Variants in VPS13B observed in about 807,000 individuals in gnomAD.
The protein encoded by VPS13B is intermembrane lipid transfer protein VPS13B.
In VPS13B, 285 loss-of-function variants were observed where a neutral mutation model predicts 426.4. The observed-to-expected ratio is 0.67, with a 90% CI of 0.61 to 0.74. The LOEUF (loss-of-function observed/expected upper bound fraction) is 0.74. VPS13B is among the 30% of genes least tolerant of loss of function. The pLI, the probability that VPS13B is intolerant of heterozygous loss-of-function variation, is 0.00. For missense variants in VPS13B, 4,537 were observed against 4,782.6 expected, an observed-to-expected ratio of 0.95 and a Z score of 1.51; for synonymous variants, 1,676 against 1,676.4, an observed-to-expected ratio of 1.00 and a Z score of 0.01.
chr8:99,822,102 C>A (rs898055440), intron 50 of VPS13B, among the ~76,000 whole-genome samples: 1 of 152,176 alleles, frequency 6.6e-6, no homozygotes, highest in African/African-American at 2.4e-5. Flanking sequence ...TAACTAATCA[C>A]ATTATGTATG....
At chr8:99,179,272 T>C (rs1812813964) in intron 16 of VPS13B, among the ~76,000 whole-genome samples, 2 of 152,148 alleles carry the variant, frequency 1.3e-5, no homozygotes, top group South Asian at 4.1e-4. Context: ...TGCAGCCAAG[T>C]TTGTTTGTTT....
chr8:99,836,697 G>A (rs1353531441), intron 54 of VPS13B, among the ~76,000 whole-genome samples: 6 of 152,166 alleles, frequency 3.9e-5, no homozygotes, highest in Non-Finnish European at 8.8e-5. Context: ...AGCTTGTGAG[G>A]TAGGCTACTG....
At chr8:99,872,755 T>G (rs1431701420) in intron 61 of VPS13B, among the ~76,000 whole-genome samples, 1 of 152,204 alleles carries the variant, frequency 6.6e-6, no homozygotes, top group Non-Finnish European at 1.5e-5. Context: ...ACAGCAAACC[T>G]ACCTCCAATA....
rs1281257953 is a variant in VPS13B, at chr8:99,868,414, T to G, written c.11341T>G (p.Phe3781Val). 6.2e-7 allele frequency: 1 copy of G among 1,614,106 alleles called. No homozygotes were observed. Among genetic ancestry groups the G allele is most frequent in the East Asian group, 2.2e-5 (1 of 44,880 alleles). Reference protein sequence around the residue: ...SGVGKGIMGVFTKPIGGAAEL... With the variant: ...SGVGKGIMGVVTKPIGGAAEL... ...TGTGGGGAAAGGAATCATGGGGGTGTTCACAAAGCCCATCGGAGGAGCTGC... is the reference window on the plus strand; with the variant it reads ...TGTGGGGAAAGGAATCATGGGGGTGGTCACAAAGCCCATCGGAGGAGCTGC... Residue 3781 changes from phenylalanine (F) to valine (V), a missense_variant, in exon 59 of 62, where the codon TTC (phenylalanine) becomes GTC (valine). Phe to Val is a conservative substitution (Grantham distance 50). Around this residue, in one of 2 missense-constraint regions of VPS13B, gnomAD observed 4,311 missense variants for 4,474.3 expected, o/e 0.96. Coordinates refer to ENST00000357162, the MANE Select transcript of VPS13B (RefSeq NM_152564.5).
chr8:99,621,129 G>A (rs1269561623), intron 33 of VPS13B, among the ~76,000 whole-genome samples: 1 of 152,020 alleles, frequency 6.6e-6, no homozygotes, highest in East Asian at 1.9e-4. Flanking sequence ...ATTTCCCACA[G>A]AATTTTGTTG....
intron 23 of VPS13B, among the ~76,000 whole-genome samples, chr8:99,457,749 A>G (rs557971433): frequency 6.6e-6 from 1 of 152,242 alleles, no homozygotes; most frequent in South Asian, 2.1e-4. Context: ...TTTAACCACT[A>G]CTGAAGCTGC....
At chr8:99,477,281 T>G (rs887065914) in intron 24 of VPS13B, among the ~76,000 whole-genome samples, 3 of 152,190 alleles carry the variant, frequency 2.0e-5, no homozygotes, top group Admixed American at 1.3e-4. Context: ...TCTTTTACTG[T>G]TTTTTCTTTT....
chr8:99,630,360 T>A (rs967208007), intron 33 of VPS13B, among the ~76,000 whole-genome samples: 4 of 152,260 alleles, frequency 2.6e-5, no homozygotes, highest in South Asian at 4.2e-4. Flanking sequence ...GTCTTTTTTG[T>A]GTGTTTCCCT....
At chr8:99,161,140 A>G (rs754083572) in intron 15 of VPS13B, among the ~76,000 whole-genome samples, 52 of 152,240 alleles carry the variant, frequency 3.4e-4, no homozygotes, top group Non-Finnish European at 6.8e-4. Context: ...TTTATACTCT[A>G]TAATTTTCAG....
At chr8:99,385,361 C>T (rs1814057910) in intron 20 of VPS13B, among the ~76,000 whole-genome samples, 1 of 152,050 alleles carries the variant, frequency 6.6e-6, no homozygotes, top group Non-Finnish European at 1.5e-5. Context: ...AGTTTTGTAT[C>T]GTTTTTCTGA....
chr8:99,729,463 G>A (rs1367366636), intron 39 of VPS13B, among the ~76,000 whole-genome samples: 1 of 152,144 alleles, frequency 6.6e-6, no homozygotes, highest in African/African-American at 2.4e-5. Context: ...GGTTAGGCAA[G>A]GTCCTTTGTC....
Position 99,610,404 on chromosome 8 carries a change from G to A in VPS13B, c.5221-31407G>A, listed in dbSNP as rs549567389. ...GCACATGTACACCATGGAATACTAC[G>A]CAGTCATAAAAAATGAGTTCATGTC... On this transcript the variant is annotated intron_variant, in intron 33 of 61. Transcript: ENST00000357162. 3.3e-5 allele frequency among the ~76,000 whole-genome samples: 5 copies of A among 152,262 alleles called. No individual in the cohort carries two copies. The South Asian group carries it at 6.2e-4, about 19-fold the overall frequency.
chr8:99,401,673 C>T (rs1424406151), intron 21 of VPS13B, among the ~76,000 whole-genome samples: 3 of 152,158 alleles, frequency 2.0e-5, no homozygotes, highest in Admixed American at 2.0e-4. Flanking sequence ...TGAGACCAGC[C>T]TGGCCAACAT....
At chr8:99,015,649 AC>A (rs1841574959) in intron 2 of VPS13B, among the ~76,000 whole-genome samples, 1 of 150,662 alleles carries the variant, frequency 6.6e-6, no homozygotes, top group African/African-American at 2.4e-5. Context: ...CACGCCTGTA[AC>A]CCCAGCACTT....
At chr8:99,122,792 T>C (rs1040894238) in intron 8 of VPS13B, among the ~76,000 whole-genome samples, 11 of 151,966 alleles carry the variant, frequency 7.2e-5, no homozygotes, top group African/African-American at 2.7e-4. Context: ...ATATATTGTG[T>C]TCATTGAATA....
chr8:99,237,960 A>G (rs1054988601), intron 17 of VPS13B, among the ~76,000 whole-genome samples: 5 of 151,060 alleles, frequency 3.3e-5, no homozygotes, highest in Non-Finnish European at 7.4e-5. Context: ...TGCTGCTCTC[A>G]TCCCTACTTC....
chr8:99,184,716 C>T (rs1813122018), intron 16 of VPS13B, among the ~76,000 whole-genome samples: 1 of 152,166 alleles, frequency 6.6e-6, no homozygotes. Flanking sequence ...GCTGGCCAGG[C>T]ATGGTGGCTC....
intron 2 of VPS13B, among the ~76,000 whole-genome samples, chr8:99,025,016 A>C (rs1312815004): frequency 6.6e-6 from 1 of 151,902 alleles, no homozygotes; most frequent in East Asian, 1.9e-4. Context: ...TCCTTGATTA[A>C]ATTTATTCTA....
chr8:99,376,248 T>C (rs1813479008), intron 19 of VPS13B, among the ~76,000 whole-genome samples: 1 of 152,228 alleles, frequency 6.6e-6, no homozygotes, highest in South Asian at 2.1e-4. Context: ...AATATCAAAC[T>C]AATTACCCAG....
Sources: gnomAD v4.1 joint callset for allele counts (sites outside exome capture counted in the v4.1 genomes callset) on GRCh38, gnomAD v4.1.1 for gene constraint, gnomAD v4.1.1 regional missense constraint, MANE v1.5 for transcripts, NCBI Gene and HGNC (gene_info 2026-07-23, HGNC 2026-07-21) for gene names.